The following MEIOSIN variants were observed in gnomAD, a reference collection of about 807,000 sequenced individuals.
The protein encoded by MEIOSIN is meiosis initiator protein.
A neutral mutation model predicts 23.4 loss-of-function variants in MEIOSIN; 18 were observed. That is an observed-to-expected ratio of 0.77 (90% CI 0.53 to 1.14). MEIOSIN has a LOEUF of 1.14. MEIOSIN is among the 50% of genes most tolerant of loss of function. The probability of loss-of-function intolerance (pLI) is 0.00; values close to 1 mark genes in which losing one functional copy is unlikely to be tolerated. For synonymous variants in MEIOSIN, 187 were observed against 100.6 expected (o/e 1.86, Z -5.14); for missense variants, 428 against 242.9 (o/e 1.76, Z -5.07).
chr19:45,754,448 C>T (rs746364084), intron 6 of MEIOSIN, 31 bp from the exon 7 acceptor site: 1 of 691,532 alleles, frequency 1.4e-6, no homozygotes, highest in East Asian at 2.7e-5. Context: ...ACTCCCAGGC[C>T]CCTCTGACAC....
Position 45,753,746 on chromosome 19 carries a change from G to T in MEIOSIN, c.514G>T (p.Ala172Ser). ...CTCTCAGAAGTCCTGTCTCCAGGGG[G>T]CGTGCCAGAAGCCTCGGAAGAAGAA... ...PSSQKSCLQGACQKPRKKKLT... is the reference protein window; with the variant it reads ...PSSQKSCLQGSCQKPRKKKLT... Residue 172 changes from alanine (A) to serine (S), a missense_variant, in exon 6 of 15, where the codon GCG becomes TCG. Coordinates refer to ENST00000457052, the MANE Select transcript of MEIOSIN (RefSeq NM_001310124.2). 1 of 702,930 alleles carries T rather than the reference G, an allele frequency of 1.4e-6. No individual in the cohort carries two copies. Among genetic ancestry groups the T allele is most frequent in the Non-Finnish European group, 2.6e-6 (1 of 384,960 alleles). The allele number at this position is 702,930 out of a possible 1,614,324, so 43.5% of individuals were successfully genotyped here. A position where few individuals can be genotyped will look rare whatever the true frequency, so the allele number is the denominator to read the frequency against.
At chr19:45,749,299 G>A (rs1314159144) in intron 4 of MEIOSIN, among the ~76,000 whole-genome samples, 1 of 149,584 alleles carries the variant, frequency 6.7e-6, no homozygotes, top group African/African-American at 2.5e-5. Flanking sequence ...TCGAGCCTAG[G>A]AGGTGGAGGT....
chr19:45,763,398 G>C lies in MEIOSIN; in HGVS notation c.1740G>C (p.Val580=), dbSNP rs1374446826. The change falls in exon 14 of 15, where the codon GTG becomes GTC. Residue 580 remains valine (V), a synonymous_variant. Transcript: ENST00000457052. ...ATKELAQLWR[V]MTQQERRPYC... ...AGGAGCTGGCCCAGCTGTGGCGGGT[G>C]ATGACCCAGCAGGAGCGGAGGCCAT... The C allele has an allele frequency of 2.5e-6, 1 of 398,604 alleles. No individual in the cohort carries two copies. Among genetic ancestry groups the C allele is most frequent in the Non-Finnish European group, 4.4e-6 (1 of 226,176 alleles). The allele number at this position is 398,604 out of a possible 1,614,324, so 24.7% of individuals were successfully genotyped here. A position where few individuals can be genotyped will look rare whatever the true frequency, so the allele number is the denominator to read the frequency against.
chr19:45,759,553 A>C (rs1322730107), intron 11 of MEIOSIN, 63 bp downstream of exon 11: 1 of 696,096 alleles, frequency 1.4e-6, no homozygotes, highest in Non-Finnish European at 2.6e-6. Flanking sequence ...CACGTCACTC[A>C]TGGCTTCATT....
intron 8 of MEIOSIN, among the ~76,000 whole-genome samples, chr19:45,756,717 C>G (rs886571706): frequency 2.0e-5 from 3 of 152,182 alleles, no homozygotes; most frequent in Non-Finnish European, 4.4e-5. Context: ...GGCCACTGCA[C>G]CCGGCCCGGA....
rs1968953370 is a variant in MEIOSIN at position 45,761,954 on chromosome 19, C to T, written c.1450C>T (p.Pro484Ser). Residue 484 changes from proline (P) to serine (S), a missense_variant, in exon 13 of 15, where the codon CCT becomes TCT. Transcript: ENST00000457052. ...CCTCCCCCAGGATATGCAGGCCAAC[C>T]CTGTGGGCACGCCGGGCTCCAGCGA... ...WKQREDMQAN[P>S]VGTPGSSEED... The T allele has an allele frequency of 1.7e-6, 1 of 574,956 alleles. No individual in the cohort carries two copies. The highest frequency in any genetic ancestry group is 3.1e-6 in the Non-Finnish European group (1 of 321,340). The allele number at this position is 574,956 out of a possible 1,614,324, so 35.6% of individuals were successfully genotyped here. A position where few individuals can be genotyped will look rare whatever the true frequency, so the allele number is the denominator to read the frequency against.
chr19:45,760,952 A>G (rs558507317), intron 11 of MEIOSIN, among the ~76,000 whole-genome samples: 12 of 146,276 alleles, frequency 8.2e-5, no homozygotes, highest in African/African-American at 2.7e-4. Flanking sequence ...AGAAAAGAAA[A>G]AAAAGAAAAG....
intron 8 of MEIOSIN, among the ~76,000 whole-genome samples, chr19:45,756,306 C>T (rs1182449033): frequency 6.6e-6 from 1 of 152,216 alleles, no homozygotes; most frequent in Non-Finnish European, 1.5e-5. Context: ...CACCTGTTGC[C>T]CCTCCATCCC....
intron 6 of MEIOSIN, 86 bp downstream of exon 6, chr19:45,753,874 G>T: frequency 1.6e-6 from 1 of 631,442 alleles, no homozygotes; most frequent in Non-Finnish European, 2.8e-6. Context: ...TACTCTGGGG[G>T]CCTTCTCAGC....
At chr19:45,753,978 C>A (rs1213291284) in intron 6 of MEIOSIN, among the ~76,000 whole-genome samples, 190 bp downstream of exon 6, 1 of 152,086 alleles carries the variant, frequency 6.6e-6, no homozygotes, top group African/African-American at 2.4e-5. Context: ...ATGGCAGAAC[C>A]TGGGCATCAG....
intron 4 of MEIOSIN, among the ~76,000 whole-genome samples, chr19:45,750,313 C>T (rs1968674618): frequency 2.0e-5 from 3 of 148,712 alleles, no homozygotes; most frequent in Admixed American, 2.0e-4. Context: ...GTCTTGAGCC[C>T]TGGCTGTTGT....
intron 11 of MEIOSIN, among the ~76,000 whole-genome samples, chr19:45,760,980 A>G (rs952363717): frequency 6.6e-6 from 1 of 151,492 alleles, no homozygotes; most frequent in Non-Finnish European, 1.5e-5. Context: ...GAAAGAAAGA[A>G]AGACAGGGTC....
At chr19:45,749,727 G>A (rs1221657886) in intron 4 of MEIOSIN, among the ~76,000 whole-genome samples, 6 of 146,852 alleles carry the variant, frequency 4.1e-5, no homozygotes, top group South Asian at 2.2e-4. Context: ...ACTATTGGCC[G>A]GGCGTGGTGG....
intron 8 of MEIOSIN, among the ~76,000 whole-genome samples, chr19:45,756,663 A>G (rs1568559203): frequency 6.6e-6 from 1 of 152,020 alleles, no homozygotes; most frequent in African/African-American, 2.4e-5. Context: ...GGCTCAAGCA[A>G]TCCTCCCACC....
At position 45,754,787 on chromosome 19, in the gene MEIOSIN, C is replaced by T. The variant is rs188496896; in HGVS notation, c.802+63C>T. The T allele has an allele frequency of 2.7e-4, 185 of 693,816 alleles. 2 individuals are homozygous for T. The highest frequency in any genetic ancestry group is 2.4e-3 in the African/African-American group (137 of 57,262). 43.0% of individuals were successfully genotyped at this position (693,816 alleles called of 1,614,324 possible). ...TAAGATGCCACTCTGGGGGCACCTGCTGTGTCCCAGACACAGTACCCGTAG... is the reference window on the plus strand; with the variant it reads ...TAAGATGCCACTCTGGGGGCACCTGTTGTGTCCCAGACACAGTACCCGTAG... On this transcript the variant is annotated intron_variant, in intron 7 of 14. Coordinates refer to ENST00000457052, the MANE Select transcript of MEIOSIN (RefSeq NM_001310124.2).
chr19:45,739,575 C>G, intron 2 of MEIOSIN, 51 bp from the exon 3 acceptor site: 1 of 701,470 alleles, frequency 1.4e-6, no homozygotes, highest in Non-Finnish European at 2.6e-6. Flanking sequence ...TTGGCCAAAC[C>G]TAGGATTACC....
rs1968512908 is a variant in MEIOSIN at position 45,741,914 on chromosome 19, C to T, written c.176+2184C>T. ...GAGACGGAGCTTTTGCTCTTGTTGC[C>T]CAGGCTGGAGTGCAATGGCACGATC... On this transcript the variant is annotated intron_variant, in intron 3 of 14. Coordinates refer to ENST00000457052, the MANE Select transcript of MEIOSIN (RefSeq NM_001310124.2). Among the ~76,000 whole-genome samples the T allele has an allele frequency of 4.0e-5, 6 of 151,470 alleles. No homozygotes were observed. The South Asian group carries it at 1.3e-3, about 32-fold the overall frequency.
chr19:45,760,048 A>G (rs2146199130), intron 11 of MEIOSIN, among the ~76,000 whole-genome samples: 1 of 151,476 alleles, frequency 6.6e-6, no homozygotes, highest in Admixed American at 6.6e-5. Flanking sequence ...TGATCCGCCC[A>G]CCTTGGCCTC....
At chr19:45,757,004 CG>C (rs1157737013) in intron 8 of MEIOSIN, among the ~76,000 whole-genome samples, 172 bp from the exon 9 acceptor site, 1 of 152,170 alleles carries the variant, frequency 6.6e-6, no homozygotes, top group Admixed American at 6.5e-5. Context: ...GCACTGCTTA[CG>C]GGCTGGGCTA....
Sources: allele counts gnomAD v4.1 joint callset (sites outside exome capture counted in the v4.1 genomes callset), GRCh38; gene constraint gnomAD v4.1.1; transcripts MANE v1.5; gene names NCBI Gene and HGNC (gene_info 2026-07-23, HGNC 2026-07-21).